The following CHAT variants were observed in gnomAD, a reference collection of about 807,000 sequenced individuals.
CHAT encodes the protein acetyl CoA:choline O-acetyltransferase.
A neutral mutation model predicts 76.9 loss-of-function variants in CHAT; 61 were observed. The observed-to-expected ratio is 0.79, with a 90% CI of 0.65 to 0.98. The LOEUF (loss-of-function observed/expected upper bound fraction) is 0.98. CHAT is among the 50% of genes least tolerant of loss of function. CHAT has a pLI of 0.00. For missense variants in CHAT, 946 were observed against 986.9 expected, an observed-to-expected ratio of 0.96 and a Z score of 0.56; for synonymous variants, 407 against 397.4, an observed-to-expected ratio of 1.02 and a Z score of -0.29.
At chr10:49,639,031 C>T (rs1300348746) in intron 7 of CHAT, among the ~76,000 whole-genome samples, 1 of 152,100 alleles carries the variant, frequency 6.6e-6, no homozygotes, top group African/African-American at 2.4e-5. Flanking sequence ...GTCAGGAGTT[C>T]AAGACCAGCC....
Position 49,624,050 on chromosome 10 carries a change from A to T in CHAT, c.753-1423A>T, listed in dbSNP as rs78610089. 2.0e-5 allele frequency among the ~76,000 whole-genome samples: 3 copies of T among 152,290 alleles called. No homozygotes were observed. In the East Asian group the frequency reaches 5.8e-4, roughly 29 times the overall value. ...AAAGCCTCCCAAGGGCTTTCACTGCACCAAGAATAAGGCGATAGCTCCTCT... is the reference window on the plus strand; with the variant it reads ...AAAGCCTCCCAAGGGCTTTCACTGCTCCAAGAATAAGGCGATAGCTCCTCT... On this transcript the variant is annotated intron_variant, in intron 5 of 14. Transcript: ENST00000337653.
At chr10:49,614,771 G>A (rs985496332) in intron 1 of CHAT, among the ~76,000 whole-genome samples, 6 of 152,236 alleles carry the variant, frequency 3.9e-5, no homozygotes, top group Non-Finnish European at 7.3e-5. Flanking sequence ...TCTGTGTCTA[G>A]TCGGAGGGTC....
chr10:49,648,366 G>A (rs868707986), intron 8 of CHAT, 141 bp from the exon 9 acceptor site: 4 of 704,116 alleles, frequency 5.7e-6, no homozygotes, highest in Non-Finnish European at 1.0e-5. Context: ...ATCACATGCA[G>A]TGTTCTCTTC....
chr10:49,647,740 TTTCCTTCCTTCCTTCCTTCCTTCC>T (rs146751288), intron 8 of CHAT, among the ~76,000 whole-genome samples: 19,635 of 140,236 alleles, frequency 0.14, 1,628 homozygotes, highest in East Asian at 0.23. Flanking sequence ...AAGACACCGC[TTTCCTTCCTTCCTTCCTTCCTTCC>T]TTCCTTCCTT....
intron 1 of CHAT, chr10:49,615,892 C>T (rs1031324187): frequency 7.1e-6 from 5 of 708,946 alleles, no homozygotes; most frequent in African/African-American, 1.8e-5. Flanking sequence ...CACAACGCCT[C>T]CAGCAGGCCC....
At chr10:49,610,914 C>G (rs770631008), upstream of CHAT, 1 of 1,611,998 alleles carries the variant, frequency 6.2e-7, no homozygotes, top group South Asian at 1.1e-5. Context: ...CCATAGTGCC[C>G]GACTACATCG....
intron 13 of CHAT, among the ~76,000 whole-genome samples, chr10:49,657,975 AG>A (rs539966965): frequency 4.1e-4 from 63 of 152,398 alleles, no homozygotes; most frequent in African/African-American, 1.5e-3. Flanking sequence ...TCATATTTTC[AG>A]TGCTTTATTC....
intron 7 of CHAT, among the ~76,000 whole-genome samples, chr10:49,628,573 G>A (rs541148814): frequency 1.0e-3 from 159 of 152,330 alleles, no homozygotes; most frequent in African/African-American, 3.6e-3. Context: ...GCAGCCCCAT[G>A]ATGGGAACAG....
At chr10:49,638,923 T>C (rs1839382570) in intron 7 of CHAT, among the ~76,000 whole-genome samples, 1 of 151,792 alleles carries the variant, frequency 6.6e-6, no homozygotes, top group South Asian at 2.1e-4. Flanking sequence ...CTTTTTACCA[T>C]TTCTTTTCTT....
intron 5 of CHAT, 102 bp from the exon 6 acceptor site, chr10:49,625,371 C>A (rs1564475474): frequency 9.4e-7 from 1 of 1,063,996 alleles, no homozygotes; most frequent in Non-Finnish European, 1.4e-6. Flanking sequence ...GGGTTCTGTG[C>A]CCCATTTTGC....
chr10:49,619,434 GA>G (rs1838615954), intron 2 of CHAT, among the ~76,000 whole-genome samples: 1 of 152,240 alleles, frequency 6.6e-6, no homozygotes, highest in South Asian at 2.1e-4. Flanking sequence ...CAAGTTTGCA[GA>G]GCTGGTCAGT....
At chr10:49,659,732 C>T (rs1458377296) in intron 13 of CHAT, among the ~76,000 whole-genome samples, 1 of 152,038 alleles carries the variant, frequency 6.6e-6, no homozygotes, top group Non-Finnish European at 1.5e-5. Flanking sequence ...TGTGGTGGCA[C>T]ATACCTGTAA....
At position 49,663,816 on chromosome 10, in the gene CHAT, C is replaced by T. The variant is rs371471670; in HGVS notation, c.1978-961C>T. On this transcript the variant is annotated intron_variant, in intron 14 of 14. Coordinates refer to ENST00000337653, the MANE Select transcript of CHAT (RefSeq NM_020549.5). Reference sequence around the variant, plus strand: ...CAGACGTGAATAAACGAGGACAGAACACAGCACCATAAATTTCTCAGGAAA... The same window carrying T: ...CAGACGTGAATAAACGAGGACAGAATACAGCACCATAAATTTCTCAGGAAA... Among the ~76,000 whole-genome samples, 8 of 152,212 alleles carry T rather than the reference C, an allele frequency of 5.3e-5. 1 individual carries two copies. The East Asian group carries it at 5.8e-4, about 11-fold the overall frequency.
intron 7 of CHAT, among the ~76,000 whole-genome samples, chr10:49,638,735 C>T (rs1483347193): frequency 6.6e-6 from 1 of 152,136 alleles, no homozygotes; most frequent in African/African-American, 2.4e-5. Flanking sequence ...TTATAATACA[C>T]TTGTCTTAAA....
At chr10:49,634,234 T>C (rs1230222442) in intron 7 of CHAT, among the ~76,000 whole-genome samples, 1 of 152,226 alleles carries the variant, frequency 6.6e-6, no homozygotes, top group Non-Finnish European at 1.5e-5. Context: ...CCACGGCTGC[T>C]GTCTCCTGGG....
chr10:49,622,637 A>G (rs1295843344), intron 5 of CHAT, among the ~76,000 whole-genome samples: 1 of 152,154 alleles, frequency 6.6e-6, no homozygotes. Flanking sequence ...TTAGGAAGAA[A>G]GTCCCTCTCC....
upstream of CHAT, chr10:49,612,176 G>C (rs563318974): frequency 6.2e-7 from 1 of 1,610,170 alleles, no homozygotes; most frequent in Non-Finnish European, 8.5e-7. Context: ...ACGCGCTCCC[G>C]TTCCGAGCGC....
intron 6 of CHAT, among the ~76,000 whole-genome samples, chr10:49,627,186 C>T (rs1486276737): frequency 2.6e-5 from 4 of 152,252 alleles, no homozygotes; most frequent in African/African-American, 9.6e-5. Flanking sequence ...CCGAGAGGCA[C>T]ATTCCTCGTG....
At chr10:49,661,141 C>G (rs1042250285) in intron 13 of CHAT, 1 of 152,138 alleles carries the variant, frequency 6.6e-6, no homozygotes, top group Non-Finnish European at 1.5e-5. Context: ...AGTAGGCACT[C>G]AATTAAGATT....
Sources: gnomAD v4.1 joint callset for allele counts (sites outside exome capture counted in the v4.1 genomes callset) on GRCh38, gnomAD v4.1.1 for gene constraint, MANE v1.5 for transcripts, NCBI Gene and HGNC (gene_info 2026-07-23, HGNC 2026-07-21) for gene names.